The following FGB variants were observed in gnomAD, a reference collection of about 807,000 sequenced individuals.
The protein encoded by FGB is fibrinogen beta chain, also known as beta-fibrinogen.
Under a neutral mutation model 57.9 loss-of-function variants are expected in FGB, and 25 were observed. That is an observed-to-expected ratio of 0.43 (90% CI 0.31 to 0.60). FGB has a LOEUF of 0.60. Among genes scored for constraint, FGB ranks in the 20% least tolerant of loss-of-function variants. The pLI is 0.08. For synonymous variants in FGB, 203 were observed against 199.2 expected, an observed-to-expected ratio of 1.02 and a Z score of -0.16; for missense variants, 536 against 598.4, an observed-to-expected ratio of 0.90 and a Z score of 1.09.
In FGB at chr4:154,571,711, G is replaced by A. The variant is rs1342638324; in HGVS notation, c.*1061G>A. On this transcript the variant is annotated 3_prime_UTR_variant, in exon 8 of 8. Coordinates refer to ENST00000302068, the MANE Select transcript of FGB (RefSeq NM_005141.5). ...GTTACACCAGAACTAAAGTAAAAGT[G>A]GTTTTTCTGTTCTTTCTACTTCTCC... 6.6e-6 allele frequency among the ~76,000 whole-genome samples: 1 copy of A among 152,068 alleles called. No individual in the cohort carries two copies. Among genetic ancestry groups the A allele is most frequent in the African/African-American group, 2.4e-5 (1 of 41,396 alleles).
chr4:154,565,200 G>A (rs1263566325), intron 1 of FGB: 3 of 463,262 alleles, frequency 6.5e-6, no homozygotes, highest in Middle Eastern at 6.5e-4. Context: ...GAAAACTGGG[G>A]CACAGATAAA....
chr4:154,566,681 C>A lies in FGB; in HGVS notation c.490+9C>A, dbSNP rs1730175844. ...GCAGAAGCAAGTAAAAGGTAGATAT[C>A]CTTGTGCTTTCCATTCGATTTTCAG... On this transcript the variant is annotated intron_variant, in intron 3 of 7. Transcript: ENST00000302068. The A allele has an allele frequency of 1.2e-6, 2 of 1,613,176 alleles. No individual in the cohort carries two copies. Among genetic ancestry groups the A allele is most frequent in the African/African-American group, 2.7e-5 (2 of 74,912 alleles).
intron 6 of FGB, 36 bp from the exon 7 acceptor site, chr4:154,569,478 T>A (rs758805388): frequency 1.2e-6 from 2 of 1,600,858 alleles, no homozygotes; most frequent in Non-Finnish European, 1.7e-6. Flanking sequence ...CCCAAAATTT[T>A]ATTTTTGGTG....
At position 154,568,468 on chromosome 4, in the gene FGB, A is replaced by C. The variant is rs772727358; in HGVS notation, c.806A>C (p.Tyr269Ser). The C allele has an allele frequency of 1.3e-6, 2 of 1,588,522 alleles. No homozygotes were observed. Among genetic ancestry groups the C allele is most frequent in the Non-Finnish European group, 1.7e-6 (2 of 1,156,620 alleles). The part of the protein sequence containing the change: ...PDSSVKPYRV[Y>S]CDMNTENGGW... ...AGTTCTGTCAAACCGTATAGAGTAT[A>C]CTGTGACATGAATACAGAAAATGGA... The change falls in exon 5 of 8, where the codon TAC becomes TCC. Residue 269 changes from tyrosine to serine, a missense_variant. Tyr to Ser is a moderately radical substitution (Grantham distance 144). Transcript: ENST00000302068.
At chr4:154,566,388 A>G (rs931899743) in intron 2 of FGB, 101 bp from the exon 3 acceptor site, 2 of 1,078,722 alleles carry the variant, frequency 1.9e-6, no homozygotes, top group African/African-American at 3.2e-5. Flanking sequence ...ATAAATTTTT[A>G]TGTTGGCTAA....
In FGB at chr4:154,569,179, A is replaced by G. The variant is rs112372234; in HGVS notation, c.833-3A>G. 1 of 1,614,140 alleles carries G rather than the reference A, an allele frequency of 6.2e-7. No homozygotes were observed. Among genetic ancestry groups the G allele is most frequent in the Non-Finnish European group, 8.5e-7 (1 of 1,179,998 alleles). ...ATGCTCTTTTTGTTTCTGTCAACCAAAGGATGGACAGTGATTCAGAACCGT... is the reference window on the plus strand; with the variant it reads ...ATGCTCTTTTTGTTTCTGTCAACCAGAGGATGGACAGTGATTCAGAACCGT... On this transcript the variant is annotated splice_polypyrimidine_tract_variant and splice_region_variant and intron_variant, in intron 5 of 7. Coordinates refer to ENST00000302068, the MANE Select transcript of FGB (RefSeq NM_005141.5).
At position 154,570,910 on chromosome 4, in the gene FGB, T is replaced by G. The variant is rs955287631; in HGVS notation, c.*260T>G. 1.6e-5 allele frequency: 8 copies of G among 488,740 alleles called. No homozygotes were observed. The highest frequency in any genetic ancestry group is 1.4e-4 in the African/African-American group (7 of 51,396). The allele number at this position is 488,740 out of a possible 1,614,324, so 30.3% of individuals were successfully genotyped here. On this transcript the variant is annotated 3_prime_UTR_variant, in exon 8 of 8. Coordinates refer to ENST00000302068, the MANE Select transcript of FGB (RefSeq NM_005141.5). ...GTTCATAATTTCAGTTCTAGTTGAT[T>G]GCGAGAATTTTCAAATAAGGAAGAG...
At chr4:154,565,434 A>G (rs1244573845) in intron 1 of FGB, 1 of 294,536 alleles carries the variant, frequency 3.4e-6, no homozygotes, top group Non-Finnish European at 6.8e-6. Context: ...AACAATAATC[A>G]TAGGAATCTA....
rs757599938 is a variant in FGB at position 154,567,624 on chromosome 4, A to G, written c.522A>G (p.Ser174=). 3.1e-6 allele frequency: 5 copies of G among 1,610,086 alleles called. No individual in the cohort carries two copies. The highest frequency in any genetic ancestry group is 4.3e-6 in the Non-Finnish European group (5 of 1,176,466). The change falls in exon 4 of 8, where the codon TCA becomes TCG. Residue 174 remains serine (S), a synonymous_variant. Coordinates refer to ENST00000302068, the MANE Select transcript of FGB (RefSeq NM_005141.5). ...AAAATGTAGTCAATGAGTACTCCTC[A>G]GAACTGGAAAAGCACCAATTATATA... ...DNENVVNEYS[S]ELEKHQLYID...
Position 154,566,619 on chromosome 4 carries a change from A to G in FGB, c.437A>G (p.Gln146Arg). Residue 146 changes from glutamine (Q) to arginine (R), a missense_variant, in exon 3 of 8, where the codon CAG (glutamine) becomes CGG (arginine). By Grantham distance (43) the Gln-to-Arg change is conservative. Transcript: ENST00000302068. The part of the protein sequence containing the change: ...AVSQTSSSSF[Q>R]YMYLLKDLWQ... ...TCCCAGACCTCCTCTTCTTCCTTTCAGTACATGTATTTGCTGAAAGACCTG... is the reference window on the plus strand; with the variant it reads ...TCCCAGACCTCCTCTTCTTCCTTTCGGTACATGTATTTGCTGAAAGACCTG... 6.2e-7 allele frequency: 1 copy of G among 1,614,172 alleles called. No individual in the cohort carries two copies. The highest frequency in any genetic ancestry group is 2.2e-5 in the East Asian group (1 of 44,872).
In FGB at chr4:154,570,440, A is replaced by G; in HGVS notation, c.1266A>G (p.Lys422=). Residue 422 remains lysine (K), a synonymous_variant, in exon 8 of 8, where the codon AAA becomes AAG. Coordinates refer to ENST00000302068, the MANE Select transcript of FGB (RefSeq NM_005141.5). ...NDGWLTSDPR[K]QCSKEDGGGW... ...TCAGGTTAACATCAGATCCCAGAAA[A>G]CAGTGTTCTAAAGAAGACGGTGGTG... is the stretch of plus-strand genomic sequence containing the variant. 1 of 1,613,996 alleles carries G rather than the reference A, an allele frequency of 6.2e-7. No homozygotes were observed. Among genetic ancestry groups the G allele is most frequent in the Non-Finnish European group, 8.5e-7 (1 of 1,179,860 alleles).
In FGB at chr4:154,566,514, A is replaced by G. The variant is rs758080375; in HGVS notation, c.332A>G (p.Gln111Arg). Residue 111 changes from glutamine to arginine, a missense_variant, in exon 3 of 8, where the codon CAG becomes CGG. Around this residue, in one of 3 missense-constraint regions of FGB, gnomAD observed 354 missense variants for 383.4 expected, o/e 0.92. Transcript: ENST00000302068. ...DLGVLCPTGCQLQEALLQQER... is the reference protein window; with the variant it reads ...DLGVLCPTGCRLQEALLQQER... ...GGGGTGTTGTGTCCTACAGGATGTCAGTTGCAAGAGGCTTTGCTACAACAG... is the reference window on the plus strand; with the variant it reads ...GGGGTGTTGTGTCCTACAGGATGTCGGTTGCAAGAGGCTTTGCTACAACAG... The G allele has an allele frequency of 1.2e-5, 20 of 1,614,052 alleles. No individual in the cohort carries two copies. Among genetic ancestry groups the G allele is most frequent in the Non-Finnish European group, 1.5e-5 (18 of 1,180,030 alleles).
intron 5 of FGB, 129 bp from the exon 6 acceptor site, chr4:154,569,053 C>G (rs1395260945): frequency 9.8e-7 from 1 of 1,021,624 alleles, no homozygotes; most frequent in Non-Finnish European, 1.5e-6. Context: ...TATTTATTTC[C>G]TTATTGTGTC....
chr4:154,568,265 G>A (rs1357290811), intron 4 of FGB, 116 bp from the exon 5 acceptor site: 2 of 726,900 alleles, frequency 2.8e-6, no homozygotes, highest in Non-Finnish European at 2.5e-6. Context: ...ATTTTCAAAG[G>A]TCTATAATAA....
In FGB at chr4:154,565,544, C is replaced by T. The variant is rs575424570; in HGVS notation, c.115-264C>T. The T allele has an allele frequency of 8.6e-6, 4 of 466,648 alleles. No individual in the cohort carries two copies. The South Asian group carries it at 9.5e-5, about 11-fold the overall frequency. 28.9% of individuals were successfully genotyped at this position (466,648 alleles called of 1,614,324 possible). A position where few individuals can be genotyped will look rare whatever the true frequency, so the allele number is the denominator to read the frequency against. On this transcript the variant is annotated intron_variant, in intron 1 of 7. Coordinates refer to ENST00000302068, the MANE Select transcript of FGB (RefSeq NM_005141.5). ...ATGTTTTAGGAATATGAGGTCATTA[C>T]TATTCATAATCTGATACAGCTTTAT...
chr4:154,569,022 A>T (rs959343259), intron 5 of FGB, among the ~76,000 whole-genome samples, 160 bp from the exon 6 acceptor site: 1 of 152,200 alleles, frequency 6.6e-6, no homozygotes, highest in Admixed American at 6.5e-5. Flanking sequence ...GTTTCCAAAG[A>T]TTTTACAAGT....
At chr4:154,569,059 G>T in intron 5 of FGB, 123 bp from the exon 6 acceptor site, 3 of 1,057,612 alleles carry the variant, frequency 2.8e-6, no homozygotes, top group Non-Finnish European at 4.4e-6. Flanking sequence ...TTTCCTTATT[G>T]TGTCTATTTT....
chr4:154,565,983 A>G lies in FGB; in HGVS notation c.290A>G (p.His97Arg), dbSNP rs1417909460. Reference protein sequence around the residue: ...RKAPDAGGCLHADPDLGVLCP... With the variant: ...RKAPDAGGCLRADPDLGVLCP... ...GCCCCTGATGCTGGAGGCTGTCTTC[A>G]CGCTGACCCAGACCTGGTGGGTGCA... Residue 97 changes from histidine to arginine, a missense_variant, in exon 2 of 8, where the codon CAC becomes CGC. This residue lies in a region of FGB where 354 missense variants were observed against 383.4 expected (regional missense o/e 0.92). Transcript: ENST00000302068. The G allele has an allele frequency of 6.2e-7, 1 of 1,613,386 alleles. No homozygotes were observed.
Position 154,567,747 on chromosome 4 carries a change from T to C in FGB, c.645T>C (p.Asp215=), listed in dbSNP as rs1730222980. The change falls in exon 4 of 8, where the codon GAT becomes GAC. Residue 215 remains aspartate (D), a synonymous_variant. Transcript: ENST00000302068. ...LRSKIQKLES[D]VSAQMEYCRT... ...GCAAAATACAAAAGTTAGAATCTGA[T>C]GTCTCAGCTCAAATGGAATATTGTC... 2 of 1,614,042 alleles carry C rather than the reference T, an allele frequency of 1.2e-6. No individual in the cohort carries two copies. Among genetic ancestry groups the C allele is most frequent in the Non-Finnish European group, 1.7e-6 (2 of 1,180,036 alleles).
Sources: allele counts gnomAD v4.1 joint callset (sites outside exome capture counted in the v4.1 genomes callset), GRCh38; gene constraint gnomAD v4.1.1; regional missense constraint gnomAD v4.1.1; transcripts MANE v1.5; gene names NCBI Gene and HGNC (gene_info 2026-07-23, HGNC 2026-07-21).